RAD50: variants seen among roughly 807,000 people sequenced by gnomAD.
RAD50 encodes DNA repair protein RAD50.
Under a neutral mutation model 168.8 loss-of-function variants are expected in RAD50, and 132 were observed. The observed-to-expected ratio is 0.78, with a 90% CI of 0.68 to 0.90. The LOEUF (loss-of-function observed/expected upper bound fraction) is 0.90, where lower values mean the gene tolerates loss of function less well. Ranked by LOEUF, RAD50 falls within the 40% of genes least tolerant of loss-of-function variation. The probability of loss-of-function intolerance (pLI) is 0.00; values close to 1 mark genes in which losing one functional copy is unlikely to be tolerated. For synonymous variants in RAD50, 525 were observed against 497.4 expected (o/e 1.06, Z -0.74); for missense variants, 1,347 against 1,534.4 (o/e 0.88, Z 2.04).
intron 21 of RAD50, among the ~76,000 whole-genome samples, chr5:132,620,757 A>G (rs117529776): frequency 1.6e-4 from 24 of 152,320 alleles, no homozygotes; most frequent in Admixed American, 1.1e-3. Flanking sequence ...CTAATAGCCT[A>G]CTGTTGACTG....
At chr5:132,609,436 C>T (rs763947438) in intron 19 of RAD50, 40 bp downstream of exon 19, 17 of 1,607,954 alleles carry the variant, frequency 1.1e-5, no homozygotes, top group African/African-American at 2.7e-5. Flanking sequence ...ACACCTATGA[C>T]ATTCTTTTCT....
chr5:132,572,458 T>G (rs1750323398), intron 2 of RAD50, among the ~76,000 whole-genome samples: 1 of 152,020 alleles, frequency 6.6e-6, no homozygotes, highest in African/African-American at 2.4e-5. Flanking sequence ...AATAACAGTG[T>G]TTTTATATAT....
In RAD50 at chr5:132,643,725, T is replaced by TG. The variant is rs79229143; in HGVS notation, c.*1370dup. The TG allele has an allele frequency of 0.017, 1,724 of 104,212 alleles. 9 individuals carry two copies. The highest frequency in any genetic ancestry group is 0.031 in the South Asian group (81 of 2,578). 6.5% of individuals were successfully genotyped at this position (104,212 alleles called of 1,614,324 possible). ...GAGTATCCTGGGGGTGGTGGTGGGG[T>TG]GGGGGGGGGTCCTAAATGTAATCAC... is the stretch of plus-strand genomic sequence containing the variant. On this transcript the variant is annotated 3_prime_UTR_variant, in exon 25 of 25. Transcript: ENST00000378823.
At chr5:132,612,007 A>T (rs1392204253) in intron 19 of RAD50, among the ~76,000 whole-genome samples, 1 of 152,206 alleles carries the variant, frequency 6.6e-6, no homozygotes, top group Non-Finnish European at 1.5e-5. Context: ...GAGTTTTTCC[A>T]CTTCTAGGTA....
chr5:132,572,043 G>C (rs1426181958), intron 2 of RAD50, among the ~76,000 whole-genome samples: 1 of 152,130 alleles, frequency 6.6e-6, no homozygotes, highest in African/African-American at 2.4e-5. Flanking sequence ...TGCTCTAAAG[G>C]ACGTACTGGG....
rs1751795068 is a variant in RAD50 at position 132,643,867 on chromosome 5, T to G, written c.*1503T>G. ...AATGAAAAATCTGTTGATAAATCCATCACTATAATAAAACCGAAGGTGAAA... is the reference window on the plus strand; with the variant it reads ...AATGAAAAATCTGTTGATAAATCCAGCACTATAATAAAACCGAAGGTGAAA... On this transcript the variant is annotated 3_prime_UTR_variant, in exon 25 of 25. Transcript: ENST00000378823. 4.3e-6 allele frequency: 1 copy of G among 231,566 alleles called. No individual in the cohort carries two copies. The highest frequency in any genetic ancestry group is 8.5e-6 in the Non-Finnish European group (1 of 117,114). The allele number at this position is 231,566 out of a possible 1,614,324, so 14.3% of individuals were successfully genotyped here.
intron 21 of RAD50, among the ~76,000 whole-genome samples, chr5:132,621,836 T>A (rs1052669080): frequency 2.0e-5 from 3 of 152,200 alleles, no homozygotes; most frequent in African/African-American, 7.2e-5. Flanking sequence ...TAGACTCAGC[T>A]TTAGTTCTTC....
intron 21 of RAD50, among the ~76,000 whole-genome samples, chr5:132,625,424 T>C (rs1751358519): frequency 6.6e-6 from 1 of 152,204 alleles, no homozygotes; most frequent in Non-Finnish European, 1.5e-5. Context: ...TCTTATTTTT[T>C]ATGGCTATAT....
At chr5:132,591,195 C>T in intron 9 of RAD50, 29 bp from the exon 10 acceptor site, 2 of 1,567,600 alleles carry the variant, frequency 1.3e-6, no homozygotes, top group African/African-American at 1.4e-5. Context: ...ATATATAACA[C>T]CTTTGCATTT....
intron 21 of RAD50, among the ~76,000 whole-genome samples, chr5:132,633,756 T>C (rs2149861092): frequency 6.6e-6 from 1 of 152,158 alleles, no homozygotes; most frequent in Non-Finnish European, 1.5e-5. Flanking sequence ...TTAAATTTTT[T>C]TGTAGAGATG....
intron 22 of RAD50, 82 bp from the exon 23 acceptor site, chr5:132,637,998 TC>T (rs1751625688): frequency 6.9e-7 from 1 of 1,442,200 alleles, no homozygotes; most frequent in Non-Finnish European, 9.7e-7. Context: ...CATCTGTTGT[TC>T]CTAGGCTTAC....
chr5:132,576,959 TGTA>T (rs1750410962), intron 3 of RAD50, among the ~76,000 whole-genome samples: 1 of 152,242 alleles, frequency 6.6e-6, no homozygotes, highest in African/African-American at 2.4e-5. Flanking sequence ...ATGCTTAACA[TGTA>T]GTAAGAGTTC....
chr5:132,641,021 G>C (rs1374397129), intron 24 of RAD50, among the ~76,000 whole-genome samples: 1 of 152,166 alleles, frequency 6.6e-6, no homozygotes, highest in Admixed American at 6.5e-5. Flanking sequence ...GTGAACAGCA[G>C]CCCCAGACAC....
chr5:132,633,077 A>G (rs1384531127), intron 21 of RAD50, among the ~76,000 whole-genome samples: 1 of 145,730 alleles, frequency 6.9e-6, no homozygotes, highest in African/African-American at 2.5e-5. Flanking sequence ...TCGTTTGTCC[A>G]TCAATTTTCT....
chr5:132,598,642 T>C (rs1249242117), intron 13 of RAD50, among the ~76,000 whole-genome samples: 1 of 152,222 alleles, frequency 6.6e-6, no homozygotes, highest in East Asian at 1.9e-4. Flanking sequence ...ATGGCTCACA[T>C]GACTGACAGT....
chr5:132,620,140 C>T (rs541303085), intron 21 of RAD50, among the ~76,000 whole-genome samples: 4 of 151,914 alleles, frequency 2.6e-5, no homozygotes, highest in Non-Finnish European at 4.4e-5. Context: ...TTCCTGACCT[C>T]GTGATCCACC....
chr5:132,592,060 A>C (rs1439894483), intron 11 of RAD50, 26 bp downstream of exon 11: 2 of 1,587,852 alleles, frequency 1.3e-6, no homozygotes, highest in African/African-American at 2.7e-5. Flanking sequence ...TGGAGATGTA[A>C]TAGAAATCTC....
chr5:132,642,698 T>TA lies in RAD50; in HGVS notation c.*336dup. 2.4e-6 allele frequency: 1 copy of TA among 418,202 alleles called. No homozygotes were observed. The highest frequency in any genetic ancestry group is 4.4e-6 in the Non-Finnish European group (1 of 225,188). The allele number at this position is 418,202 out of a possible 1,614,324, so 25.9% of individuals were successfully genotyped here. ...TCTCAAAGCACTGTTGAGAAGGAGA[T>TA]AATTACTGCCTTGAAAATTTATGGT... On this transcript the variant is annotated 3_prime_UTR_variant, in exon 25 of 25. Transcript: ENST00000378823.
At chr5:132,590,345 C>T (rs1054969712) in intron 9 of RAD50, among the ~76,000 whole-genome samples, 2 of 152,184 alleles carry the variant, frequency 1.3e-5, no homozygotes, top group Non-Finnish European at 2.9e-5. Context: ...TGGCGTGTGC[C>T]TGTAATCCCA....
Sources: gnomAD v4.1 joint callset for allele counts (sites outside exome capture counted in the v4.1 genomes callset) on GRCh38, gnomAD v4.1.1 for gene constraint, MANE v1.5 for transcripts, NCBI Gene and HGNC (gene_info 2026-07-23, HGNC 2026-07-21) for gene names.